The following CTIF variants were observed in gnomAD, a reference collection of about 807,000 sequenced individuals.
CTIF encodes CBP80/20-dependent translation initiation factor.
Under a neutral mutation model 66.0 loss-of-function variants are expected in CTIF, and 21 were observed. The ratio of observed to expected loss-of-function variants is 0.32; its 90% CI spans 0.23 to 0.46. CTIF has a LOEUF of 0.46. Among genes scored for constraint, CTIF ranks in the 20% least tolerant of loss-of-function variants. The probability of loss-of-function intolerance (pLI) is 1.00; values close to 1 mark genes in which losing one functional copy is unlikely to be tolerated. For synonymous variants in CTIF, 345 were observed against 326.4 expected (o/e 1.06, Z -0.62); for missense variants, 739 against 812.7 (o/e 0.91, Z 1.10).
At chr18:48,720,919 C>T (rs2092329182) in intron 7 of CTIF, among the ~76,000 whole-genome samples, 1 of 152,188 alleles carries the variant, frequency 6.6e-6, no homozygotes, top group South Asian at 2.1e-4. Flanking sequence ...AGGACTTCCT[C>T]CCAGCATCAC....
chr18:48,663,842 T>G lies in CTIF; in HGVS notation c.326+17T>G, dbSNP rs1410979581. On this transcript the variant is annotated intron_variant, in intron 4 of 11. Coordinates refer to ENST00000256413, the MANE Select transcript of CTIF (RefSeq NM_014772.3). ...TTCCTTCAGGTAACCTCCTCCTCCCTCCTTCCCTGTGGTGTGAGGTCCAGC... is the reference window on the plus strand; with the variant it reads ...TTCCTTCAGGTAACCTCCTCCTCCCGCCTTCCCTGTGGTGTGAGGTCCAGC... 6 of 1,611,730 alleles carry G rather than the reference T, an allele frequency of 3.7e-6. No homozygotes were observed. The highest frequency in any genetic ancestry group is 5.1e-6 in the Non-Finnish European group (6 of 1,177,944).
chr18:48,659,525 CA>C (rs768690217), intron 3 of CTIF, among the ~76,000 whole-genome samples: 1 of 152,228 alleles, frequency 6.6e-6, no homozygotes, highest in Non-Finnish European at 1.5e-5. Context: ...TGGAGCTGTG[CA>C]AAGATGGGGT....
intron 10 of CTIF, among the ~76,000 whole-genome samples, chr18:48,818,287 G>A (rs747832923): frequency 1.4e-4 from 22 of 152,346 alleles, no homozygotes; most frequent in Admixed American, 7.2e-4. Context: ...GAGTGAGGGC[G>A]AAGAGCACGT....
intron 9 of CTIF, among the ~76,000 whole-genome samples, chr18:48,769,387 G>A (rs551518547): frequency 6.6e-6 from 1 of 152,344 alleles, no homozygotes; most frequent in South Asian, 2.1e-4. Flanking sequence ...CAGGCTGCAC[G>A]GAAGCTTGCA....
intron 1 of CTIF, chr18:48,540,336 A>G (rs1174164083): frequency 1.8e-5 from 2 of 110,326 alleles, no homozygotes; most frequent in Non-Finnish European, 3.3e-5. Context: ...GACGACGAGC[A>G]GGTAACTGTC....
At chr18:48,578,349 G>A (rs1409679603) in intron 1 of CTIF, among the ~76,000 whole-genome samples, 1 of 152,178 alleles carries the variant, frequency 6.6e-6, no homozygotes, top group Non-Finnish European at 1.5e-5. Flanking sequence ...ACCTAGGATT[G>A]GAATTGCTGG....
chr18:48,692,721 T>A (rs1398859816), intron 6 of CTIF: 1 of 152,216 alleles, frequency 6.6e-6, no homozygotes, highest in Non-Finnish European at 1.5e-5. Flanking sequence ...AGCGGAACCC[T>A]ACAACAATGG....
At chr18:48,644,220 G>A (rs747027930) in intron 3 of CTIF, among the ~76,000 whole-genome samples, 23 of 152,074 alleles carry the variant, frequency 1.5e-4, no homozygotes, top group Non-Finnish European at 2.5e-4. Context: ...CCTATTGATC[G>A]GCTCCAATCA....
chr18:48,853,469 G>A (rs1431276445), intron 10 of CTIF, among the ~76,000 whole-genome samples: 2 of 152,212 alleles, frequency 1.3e-5, no homozygotes, highest in Admixed American at 6.5e-5. Context: ...CTCAGTGCCT[G>A]TCACGTGTGC....
intron 1 of CTIF, among the ~76,000 whole-genome samples, chr18:48,604,021 G>A (rs924110672): frequency 9.4e-5 from 14 of 148,948 alleles, no homozygotes; most frequent in Non-Finnish European, 1.8e-4. Context: ...GCTAATTTTT[G>A]TATTTTAGTA....
intron 1 of CTIF, among the ~76,000 whole-genome samples, chr18:48,548,858 G>A (rs949868410): frequency 7.9e-5 from 12 of 152,228 alleles, no homozygotes; most frequent in African/African-American, 2.4e-4. Flanking sequence ...AGCCTGGCAG[G>A]GTCCCTGCTG....
intron 1 of CTIF, among the ~76,000 whole-genome samples, chr18:48,591,117 G>A (rs1260427521): frequency 6.6e-6 from 1 of 152,220 alleles, no homozygotes; most frequent in African/African-American, 2.4e-5. Context: ...CTCAGCTCCT[G>A]TCTAGTGACT....
At chr18:48,561,063 A>C (rs1295054113) in intron 1 of CTIF, among the ~76,000 whole-genome samples, 1 of 151,976 alleles carries the variant, frequency 6.6e-6, no homozygotes, top group Non-Finnish European at 1.5e-5. Context: ...ACATGGCCAA[A>C]CCCCATCTCT....
intron 10 of CTIF, chr18:48,825,976 A>C (rs1449168049): frequency 6.6e-6 from 1 of 152,220 alleles, no homozygotes; most frequent in Non-Finnish European, 1.5e-5. Flanking sequence ...GTGAGCATCC[A>C]CTGACCAGCC....
At chr18:48,568,451 C>G (rs2143595268) in intron 1 of CTIF, 1 of 151,998 alleles carries the variant, frequency 6.6e-6, no homozygotes, top group East Asian at 1.9e-4. Flanking sequence ...ACAGGCACTC[C>G]TTCTGTAGTA....
intron 9 of CTIF, among the ~76,000 whole-genome samples, chr18:48,809,251 ACT>A (rs1330298237): frequency 6.6e-6 from 1 of 151,942 alleles, no homozygotes; most frequent in South Asian, 2.1e-4. Context: ...TAGTCACTGA[ACT>A]CTCTTGTTAA....
At chr18:48,678,489 A>G (rs1171303909) in intron 6 of CTIF, among the ~76,000 whole-genome samples, 2 of 151,954 alleles carry the variant, frequency 1.3e-5, no homozygotes, top group Non-Finnish European at 2.9e-5. Context: ...AAGTTCTCCA[A>G]TCCGTGGTTT....
intron 9 of CTIF, among the ~76,000 whole-genome samples, chr18:48,783,232 G>C (rs112332863): frequency 0.099 from 15,104 of 152,170 alleles, 1,105 homozygotes; most frequent in East Asian, 0.37. Context: ...CCAGGGGCCA[G>C]TCCACCAACC....
intron 1 of CTIF, among the ~76,000 whole-genome samples, chr18:48,611,305 G>A (rs1386461155): frequency 6.6e-6 from 1 of 152,266 alleles, no homozygotes; most frequent in African/African-American, 2.4e-5. Flanking sequence ...CATGCGCCTG[G>A]CCCTGAGAGT....
Sources: allele counts gnomAD v4.1 joint callset (sites outside exome capture counted in the v4.1 genomes callset), GRCh38; gene constraint gnomAD v4.1.1; transcripts MANE v1.5; gene names NCBI Gene and HGNC (gene_info 2026-07-23, HGNC 2026-07-21).